GRB10: variants seen among roughly 807,000 people sequenced by gnomAD.
The protein encoded by GRB10 is growth factor receptor-bound protein 10.
Under a neutral mutation model 80.9 loss-of-function variants are expected in GRB10, and 20 were observed. The ratio of observed to expected loss-of-function variants is 0.25; its 90% CI spans 0.17 to 0.36. The LOEUF (loss-of-function observed/expected upper bound fraction) is 0.36, where lower values mean the gene tolerates loss of function less well. GRB10 is among the 10% of genes least tolerant of loss of function. The pLI is 1.00. For synonymous variants in GRB10, 291 were observed against 291.5 expected (o/e 1.00, Z 0.02); for missense variants, 548 against 747.7 (o/e 0.73, Z 3.12).
chr7:50,758,248 A>G (rs1394550767), intron 2 of GRB10, among the ~76,000 whole-genome samples: 1 of 152,110 alleles, frequency 6.6e-6, no homozygotes, highest in African/African-American at 2.4e-5. Context: ...CCGAGAGTAG[A>G]CCAGCACACT....
At chr7:50,624,719 G>A (rs957872477) in intron 8 of GRB10, among the ~76,000 whole-genome samples, 20 of 152,296 alleles carry the variant, frequency 1.3e-4, no homozygotes, top group African/African-American at 4.8e-4. Context: ...ATAAGAACGG[G>A]ACTGGTGGTG....
chr7:50,656,281 C>A (rs1454574334), intron 7 of GRB10, among the ~76,000 whole-genome samples: 1 of 152,186 alleles, frequency 6.6e-6, no homozygotes, highest in East Asian at 1.9e-4. Flanking sequence ...ATCGGTCACT[C>A]TGATCCTCCG....
chr7:50,772,297 T>C (rs1258796236), intron 2 of GRB10, among the ~76,000 whole-genome samples: 3 of 152,170 alleles, frequency 2.0e-5, no homozygotes, highest in African/African-American at 7.2e-5. Context: ...TAAAACAAAA[T>C]CATGTTACTT....
chr7:50,640,253 A>C (rs1260763198), intron 7 of GRB10, among the ~76,000 whole-genome samples: 1 of 152,232 alleles, frequency 6.6e-6, no homozygotes, highest in Non-Finnish European at 1.5e-5. Context: ...TTTGGCTCTA[A>C]GGATGCTGGA....
At chr7:50,649,004 G>A (rs1031239520) in intron 7 of GRB10, among the ~76,000 whole-genome samples, 1 of 152,088 alleles carries the variant, frequency 6.6e-6, no homozygotes, top group Non-Finnish European at 1.5e-5. Context: ...AACCCATGTT[G>A]GGGAGCTGGG....
intron 4 of GRB10, among the ~76,000 whole-genome samples, chr7:50,721,354 C>A (rs2067701333): frequency 1.3e-5 from 2 of 152,244 alleles, no homozygotes; most frequent in South Asian, 2.1e-4. Flanking sequence ...ACTCCAAGAT[C>A]CACGCTGCAG....
intron 7 of GRB10, among the ~76,000 whole-genome samples, chr7:50,665,514 C>T (rs1033664677): frequency 6.6e-6 from 1 of 152,236 alleles, no homozygotes; most frequent in Non-Finnish European, 1.5e-5. Context: ...GATTTCCATG[C>T]TTCCACCAAG....
intron 2 of GRB10, among the ~76,000 whole-genome samples, chr7:50,775,858 C>T (rs912457666): frequency 6.6e-6 from 1 of 152,318 alleles, no homozygotes; most frequent in Non-Finnish European, 1.5e-5. Flanking sequence ...TGCACTTGAG[C>T]CCCCTTGAGC....
At chr7:50,761,373 T>C (rs553864466) in intron 2 of GRB10, among the ~76,000 whole-genome samples, 135 of 152,370 alleles carry the variant, frequency 8.9e-4, no homozygotes, top group African/African-American at 3.2e-3. Flanking sequence ...AAAGAAAATC[T>C]ACTAGAGTGA....
rs1440566802 is a variant in GRB10, at chr7:50,782,762, C to T, written c.-665G>A. On this transcript the variant is annotated 5_prime_UTR_variant, in exon 1 of 19. In the 5' UTR this introduces an upstream ATG that the reference lacks. Coordinates refer to ENST00000401949, the MANE Select transcript of GRB10 (RefSeq NM_001350814.2). This position sits in a 1 kb window ranked among gnomAD's most constrained non-coding sequence, Gnocchi z 6.6. ...CCGGGGGCTCCCAGCGCCATCACCA[C>T]GCAGGTGCCCGGGGGCCCCTCCGCG... is the stretch of plus-strand genomic sequence containing the variant. 6.6e-6 allele frequency: 1 copy of T among 152,120 alleles called. No homozygotes were observed. Among genetic ancestry groups the T allele is most frequent in the Non-Finnish European group, 1.5e-5 (1 of 68,008 alleles). The allele number at this position is 152,120 out of a possible 1,614,324, so 9.4% of individuals were successfully genotyped here.
chr7:50,681,275 G>A (rs888899081), intron 5 of GRB10, among the ~76,000 whole-genome samples: 8 of 152,180 alleles, frequency 5.3e-5, no homozygotes, highest in African/African-American at 1.4e-4. Flanking sequence ...GCCCCTCCAC[G>A]GAGAAGCCTC....
intron 8 of GRB10, among the ~76,000 whole-genome samples, chr7:50,624,907 C>T (rs1431901494): frequency 2.6e-5 from 4 of 151,500 alleles, no homozygotes; most frequent in Non-Finnish European, 2.9e-5. Flanking sequence ...TTCCCTTTCC[C>T]TTTTTTTCCT....
chr7:50,732,265 C>T lies in GRB10; in HGVS notation c.51+7G>A. 1.2e-6 allele frequency: 2 copies of T among 1,613,812 alleles called. No individual in the cohort carries two copies. The highest frequency in any genetic ancestry group is 1.3e-5 in the African/African-American group (1 of 75,032). ...GGCCAGGATCAGATATATGTGCTCG[C>T]CCATACCTGGTAGTACGGATGGTGC... On this transcript the variant is annotated splice_region_variant and intron_variant, in intron 4 of 18. Transcript: ENST00000401949.
intron 7 of GRB10, among the ~76,000 whole-genome samples, chr7:50,630,847 G>T (rs547026119): frequency 6.6e-6 from 1 of 152,196 alleles, no homozygotes; most frequent in African/African-American, 2.4e-5. Flanking sequence ...ACTGAATCCC[G>T]TTATAAAAGC....
intron 7 of GRB10, chr7:50,645,784 C>T (rs1197630375): frequency 9.1e-6 from 2 of 219,442 alleles, no homozygotes; most frequent in African/African-American, 2.3e-5. Flanking sequence ...TGCCTGGACA[C>T]AGTCCCCTCA....
chr7:50,626,670 G>T, intron 8 of GRB10, 152 bp downstream of exon 8: 1 of 836,670 alleles, frequency 1.2e-6, no homozygotes, highest in East Asian at 2.5e-5. Context: ...TGAAATTTTA[G>T]GAGAAACAGG....
chr7:50,783,555 C>T (rs373639723), upstream of GRB10, among the ~76,000 whole-genome samples: 9 of 151,476 alleles, frequency 5.9e-5, no homozygotes, highest in East Asian at 1.6e-3. Context: ...CCCCCACCCC[C>T]GCACACACAT....
chr7:50,762,256 A>C (rs1012756544), intron 2 of GRB10, among the ~76,000 whole-genome samples: 1 of 151,560 alleles, frequency 6.6e-6, no homozygotes, highest in African/African-American at 2.4e-5. Context: ...AGGAAGTCTA[A>C]TGGTGAAAAT....
At chr7:50,596,632 T>C (rs910708719) in intron 17 of GRB10, among the ~76,000 whole-genome samples, 3 of 152,256 alleles carry the variant, frequency 2.0e-5, no homozygotes, top group Non-Finnish European at 4.4e-5. Flanking sequence ...ACTGTGGTTA[T>C]AGAAGTTCTT....
Sources: allele counts gnomAD v4.1 joint callset (sites outside exome capture counted in the v4.1 genomes callset), GRCh38; gene constraint gnomAD v4.1.1; non-coding constraint Gnocchi (gnomAD v3.1); transcripts MANE v1.5; gene names NCBI Gene and HGNC (gene_info 2026-07-23, HGNC 2026-07-21).